The following THSD4 variants were observed in gnomAD, a reference collection of about 807,000 sequenced individuals.
THSD4 encodes thrombospondin type-1 domain-containing protein 4.
A neutral mutation model predicts 119.0 loss-of-function variants in THSD4; 69 were observed. That is an observed-to-expected ratio of 0.58 (90% confidence interval 0.48 to 0.71). The LOEUF is 0.71. Ranked by LOEUF, THSD4 falls within the 30% of genes least tolerant of loss-of-function variation. The pLI is 0.00. For missense variants in THSD4, 1,393 were observed against 1,391.1 expected (o/e 1.00, Z -0.02); for synonymous variants, 524 against 540.4 (o/e 0.97, Z 0.42).
At chr15:71,206,588 G>C (rs946313774) in intron 3 of THSD4, among the ~76,000 whole-genome samples, 1 of 152,210 alleles carries the variant, frequency 6.6e-6, no homozygotes, top group Non-Finnish European at 1.5e-5. Flanking sequence ...CGTTTTCTAT[G>C]AAGAACAGAT....
At position 71,400,222 on chromosome 15, in the gene THSD4, G is replaced by A. The variant is rs372738590; in HGVS notation, c.1016-11465G>A. ...TCCAAGTGTGGGATGGAAGGTTTGG[G>A]GTATTAGGCAATTGATAAGCTGTGT... On this transcript the variant is annotated intron_variant, in intron 6 of 17. Transcript: ENST00000261862. Among the ~76,000 whole-genome samples the A allele has an allele frequency of 7.9e-5, 12 of 152,112 alleles. No homozygotes were observed. The East Asian group carries it at 1.7e-3, about 22-fold the overall frequency.
intron 6 of THSD4, among the ~76,000 whole-genome samples, chr15:71,404,547 A>G (rs12441227): frequency 0.15 from 22,250 of 152,192 alleles, 1,952 homozygotes; most frequent in Admixed American, 0.24. Flanking sequence ...CTGCTGCTAT[A>G]TCTGAATGTT....
intron 4 of THSD4, among the ~76,000 whole-genome samples, chr15:71,237,504 A>G (rs1407546540): frequency 2.0e-5 from 3 of 152,188 alleles, no homozygotes; most frequent in Non-Finnish European, 2.9e-5. Flanking sequence ...TCGAAGTGAC[A>G]CGTGGAGCTA....
intron 7 of THSD4, among the ~76,000 whole-genome samples, chr15:71,477,189 C>T (rs1450281640): frequency 1.3e-5 from 2 of 152,214 alleles, no homozygotes; most frequent in African/African-American, 4.8e-5. Flanking sequence ...CTCCTTCAGA[C>T]GTGCACGGAG....
At chr15:71,250,122 C>G (rs957788834) in intron 5 of THSD4, among the ~76,000 whole-genome samples, 11 of 152,136 alleles carry the variant, frequency 7.2e-5, no homozygotes, top group African/African-American at 2.7e-4. Flanking sequence ...GGCTATAAGT[C>G]CCTGAGGGAG....
chr15:71,312,018 C>G (rs2045117581), intron 6 of THSD4, among the ~76,000 whole-genome samples: 1 of 152,168 alleles, frequency 6.6e-6, no homozygotes, highest in African/African-American at 2.4e-5. Context: ...TGACACTGTC[C>G]TACTGCAGAC....
At chr15:71,584,428 C>T (rs1012683886) in intron 7 of THSD4, among the ~76,000 whole-genome samples, 1 of 151,202 alleles carries the variant, frequency 6.6e-6, no homozygotes, top group Admixed American at 6.6e-5. Context: ...ACCACCATGC[C>T]CAGCTAATTT....
intron 2 of THSD4, among the ~76,000 whole-genome samples, chr15:71,152,850 C>T (rs75544024): frequency 0.018 from 2,719 of 152,242 alleles, 86 homozygotes; most frequent in African/African-American, 0.061. Flanking sequence ...GATCCACCTC[C>T]GCACCCCCAG....
At position 71,508,088 on chromosome 15, in the gene THSD4, G is replaced by A. The variant is rs74388323; in HGVS notation, c.1152+96265G>A. Among the ~76,000 whole-genome samples, 41 of 152,316 alleles carry A rather than the reference G, an allele frequency of 2.7e-4. No homozygotes were observed. In the East Asian group the frequency reaches 2.9e-3, roughly 11 times the overall value. ...TGTGAGTTATGAACATTGCTAAGGG[G>A]GCGGGAGGACCACTTAATGATTCAG... On this transcript the variant is annotated intron_variant, in intron 7 of 17. Transcript: ENST00000261862.
chr15:71,719,850 A>T (rs1337010745), intron 8 of THSD4, among the ~76,000 whole-genome samples: 2 of 151,594 alleles, frequency 1.3e-5, no homozygotes, highest in Non-Finnish European at 2.9e-5. Flanking sequence ...TATTTTGTTA[A>T]TTCTTTGTAG....
intron 7 of THSD4, among the ~76,000 whole-genome samples, chr15:71,566,750 T>TGCTCCCC (rs1446060128): frequency 3.1e-4 from 31 of 101,212 alleles, no homozygotes; most frequent in African/African-American, 1.2e-3. Flanking sequence ...TCTTTCCCCC[T>TGCTCCCC]GCTCCCCGCT....
intron 9 of THSD4, chr15:71,730,567 C>G (rs1323444708): frequency 6.5e-6 from 1 of 153,458 alleles, no homozygotes; most frequent in Non-Finnish European, 1.5e-5. Context: ...TGGGTCGCTT[C>G]TACTTGTTTT....
chr15:71,365,761 A>C (rs1299108074), intron 6 of THSD4, among the ~76,000 whole-genome samples: 1 of 152,126 alleles, frequency 6.6e-6, no homozygotes, highest in Non-Finnish European at 1.5e-5. Flanking sequence ...TGTCCCCTTA[A>C]AAGTAATTTA....
intron 6 of THSD4, among the ~76,000 whole-genome samples, chr15:71,394,232 G>A (rs1461810620): frequency 6.6e-6 from 1 of 150,948 alleles, no homozygotes; most frequent in Non-Finnish European, 1.5e-5. Flanking sequence ...TCCCCTCTGG[G>A]CTGTCATACA....
intron 7 of THSD4, among the ~76,000 whole-genome samples, chr15:71,453,910 A>T (rs182555737): frequency 8.5e-5 from 13 of 152,316 alleles, no homozygotes; most frequent in Admixed American, 2.0e-4. Flanking sequence ...TGGTGGGGGC[A>T]TGCTCTTTAG....
At chr15:71,547,309 G>A (rs773797994) in intron 7 of THSD4, 47 of 1,523,960 alleles carry the variant, frequency 3.1e-5, no homozygotes, top group Middle Eastern at 1.8e-4. Flanking sequence ...GGTGCCTAGC[G>A]GAACTCCAGG....
intron 7 of THSD4, among the ~76,000 whole-genome samples, chr15:71,523,428 GAC>G (rs2048471701): frequency 6.6e-6 from 1 of 152,174 alleles, no homozygotes; most frequent in Non-Finnish European, 1.5e-5. Flanking sequence ...GGCCCACCTG[GAC>G]AATCCAGGAT....
intron 8 of THSD4, among the ~76,000 whole-genome samples, chr15:71,694,307 C>A (rs1339916656): frequency 1.3e-5 from 2 of 152,120 alleles, no homozygotes; most frequent in Non-Finnish European, 2.9e-5. Context: ...TATTTTATCC[C>A]AAAATATAGA....
At position 71,631,904 on chromosome 15, in the gene THSD4, G is replaced by A. The variant is rs576529837; in HGVS notation, c.1153-28626G>A. ...AATATCCCAAGCTACAAAACCTCCTGTAGCACGGAAATTAGGAGCATGGGC... is the reference window on the plus strand; with the variant it reads ...AATATCCCAAGCTACAAAACCTCCTATAGCACGGAAATTAGGAGCATGGGC... On this transcript the variant is annotated intron_variant, in intron 7 of 17. Coordinates refer to ENST00000261862, the MANE Select transcript of THSD4 (RefSeq NM_024817.3). 4.8e-4 allele frequency among the ~76,000 whole-genome samples: 73 copies of A among 152,326 alleles called. No individual in the cohort carries two copies. The South Asian group carries it at 0.013, about 28-fold the overall frequency.
Sources: allele counts gnomAD v4.1 joint callset (sites outside exome capture counted in the v4.1 genomes callset), GRCh38; gene constraint gnomAD v4.1.1; transcripts MANE v1.5; gene names NCBI Gene and HGNC (gene_info 2026-07-23, HGNC 2026-07-21).